RTN4: variants seen among roughly 807,000 people sequenced by gnomAD.
RTN4 encodes reticulon-4.
RTN4 carries 32 observed loss-of-function variants against 90.4 expected under a neutral mutation model. The observed-to-expected ratio is 0.35, with a 90% CI of 0.27 to 0.48. RTN4 has a LOEUF of 0.48. Ranked by LOEUF, RTN4 falls within the 20% of genes least tolerant of loss-of-function variation. The pLI, the probability that RTN4 is intolerant of heterozygous loss-of-function variation, is 0.99. For synonymous variants in RTN4, 629 were observed against 552.5 expected (o/e 1.14, Z -1.94); for missense variants, 1,706 against 1,430.2 (o/e 1.19, Z -3.11).
chr2:54,981,827 G>C (rs1678155581), intron 5 of RTN4, among the ~76,000 whole-genome samples: 1 of 50,370 alleles, frequency 2.0e-5, no homozygotes, highest in South Asian at 4.8e-4. Flanking sequence ...ATAAGTGCTA[G>C]ACTGTAAAGC....
chr2:55,111,723 G>A (rs1019774661), intron 1 of RTN4, among the ~76,000 whole-genome samples: 14 of 152,176 alleles, frequency 9.2e-5, no homozygotes, highest in Non-Finnish European at 5.9e-5. Flanking sequence ...AACTGTAGGG[G>A]CCATGTACAG....
rs200011211 is a variant in RTN4, at chr2:55,025,854, T to G, written c.2245A>C (p.Ser749Arg). 9 of 1,613,694 alleles carry G rather than the reference T, an allele frequency of 5.6e-6. No homozygotes were observed. Among genetic ancestry groups the G allele is most frequent in the Non-Finnish European group, 7.6e-6 (9 of 1,179,866 alleles). Reference sequence around the variant, plus strand: ...GGAACGTCAGGTATTGAATCATCACTAAATAAGTCAACTGGTTCAGAATCA... The same window carrying G: ...GGAACGTCAGGTATTGAATCATCACGAAATAAGTCAACTGGTTCAGAATCA... ...SPDSEPVDLF[S>R]DDSIPDVPQK... Residue 749 changes from serine (S) to arginine (R), a missense_variant, in exon 3 of 9, where the codon AGT becomes CGT. Ser to Arg is a moderately radical substitution (Grantham distance 110). Coordinates refer to ENST00000337526, the MANE Select transcript of RTN4 (RefSeq NM_020532.5).
intron 2 of RTN4, among the ~76,000 whole-genome samples, chr2:55,067,908 G>C (rs1040091634): frequency 6.6e-6 from 1 of 152,178 alleles, no homozygotes. Flanking sequence ...ATTTTTATGA[G>C]AAATAGCTAT....
the RTN4 span, among the ~76,000 whole-genome samples, chr2:55,122,837 AAAT>A: frequency 6.6e-6 from 1 of 152,244 alleles, no homozygotes; most frequent in Non-Finnish European, 1.5e-5. Flanking sequence ...CCATCTGCAC[AAAT>A]AATAACTCTC....
intron 3 of RTN4, among the ~76,000 whole-genome samples, chr2:54,988,570 T>C (rs1289629795): frequency 5.3e-5 from 8 of 152,172 alleles, no homozygotes; most frequent in Admixed American, 5.2e-4. Flanking sequence ...ATCTGTCTTT[T>C]AGAAACAAAA....
At chr2:55,083,956 G>T (rs2972064) in intron 1 of RTN4, among the ~76,000 whole-genome samples, 46 of 152,232 alleles carry the variant, frequency 3.0e-4, no homozygotes, top group Non-Finnish European at 6.2e-4. Context: ...GGAGTTTCTT[G>T]GGTTAAAGGA....
At chr2:54,976,974 G>A (rs928615377) in intron 5 of RTN4, among the ~76,000 whole-genome samples, 1 of 152,224 alleles carries the variant, frequency 6.6e-6, no homozygotes, top group Admixed American at 6.5e-5. Flanking sequence ...CTGAAAAGGG[G>A]CAAGGGCCAC....
upstream of RTN4, among the ~76,000 whole-genome samples, chr2:55,052,193 C>G (rs375490722): frequency 6.6e-6 from 1 of 152,120 alleles, no homozygotes; most frequent in East Asian, 1.9e-4. Flanking sequence ...AAGAGTGAAC[C>G]CTAATGTAGA....
At chr2:55,111,270 C>T (rs531434139) in intron 1 of RTN4, among the ~76,000 whole-genome samples, 2 of 152,042 alleles carry the variant, frequency 1.3e-5, no homozygotes, top group South Asian at 2.1e-4. Context: ...CTCACTCTTC[C>T]GAGATTTTAA....
intron 1 of RTN4, among the ~76,000 whole-genome samples, chr2:55,111,648 G>T (rs574342081): frequency 6.6e-6 from 1 of 152,030 alleles, no homozygotes; most frequent in African/African-American, 2.4e-5. Flanking sequence ...GAGGGTGTTT[G>T]GGGCTGTTTA....
At chr2:55,111,988 G>A (rs2105068563) in intron 1 of RTN4, among the ~76,000 whole-genome samples, 1 of 152,264 alleles carries the variant, frequency 6.6e-6, no homozygotes, top group South Asian at 2.1e-4. Flanking sequence ...ATTGCAATGA[G>A]TCTCTGGGGA....
upstream of RTN4, among the ~76,000 whole-genome samples, chr2:55,052,624 A>G (rs1262126804): frequency 1.3e-5 from 2 of 152,222 alleles, no homozygotes; most frequent in Non-Finnish European, 2.9e-5. Flanking sequence ...TTAATGCCAA[A>G]TGAATTTAAA....
intron 1 of RTN4, among the ~76,000 whole-genome samples, chr2:55,028,679 TA>T (rs2104880146): frequency 6.6e-6 from 1 of 152,330 alleles, no homozygotes; most frequent in Non-Finnish European, 1.5e-5. Flanking sequence ...GAAACACTTT[TA>T]AAGAATTATG....
At chr2:55,096,869 T>C (rs1416954396) in intron 1 of RTN4, among the ~76,000 whole-genome samples, 5 of 151,850 alleles carry the variant, frequency 3.3e-5, no homozygotes, top group East Asian at 1.9e-4. Context: ...AAGAAAGGCT[T>C]CCCTACACTC....
intron 1 of RTN4, among the ~76,000 whole-genome samples, chr2:55,107,955 G>A (rs1667973169): frequency 6.6e-6 from 1 of 151,834 alleles, no homozygotes; most frequent in African/African-American, 2.4e-5. Flanking sequence ...TGTTAAATTC[G>A]GTCCTTTTTT....
At chr2:55,113,207 G>C (rs1405993802), upstream of RTN4, among the ~76,000 whole-genome samples, 1 of 152,346 alleles carries the variant, frequency 6.6e-6, no homozygotes, top group East Asian at 1.9e-4. Context: ...TCTTCTGCGA[G>C]GAGGGTAAGC....
intron 2 of RTN4, among the ~76,000 whole-genome samples, chr2:55,067,367 A>G (rs1045415956): frequency 1.3e-5 from 2 of 152,100 alleles, no homozygotes; most frequent in Non-Finnish European, 2.9e-5. Flanking sequence ...AGGGAATAGC[A>G]CATGTTTGCT....
At chr2:55,045,784 CA>C (rs989345830) in intron 1 of RTN4, among the ~76,000 whole-genome samples, 1 of 151,780 alleles carries the variant, frequency 6.6e-6, no homozygotes, top group African/African-American at 2.4e-5. Flanking sequence ...TTTCAGAATC[CA>C]GATCTACATA....
the RTN4 span, among the ~76,000 whole-genome samples, chr2:55,126,224 T>C: frequency 6.6e-6 from 1 of 151,618 alleles, no homozygotes; most frequent in South Asian, 2.1e-4. Context: ...ACAAAATTAG[T>C]TGGGTGTGGT....
Sources: allele counts gnomAD v4.1 joint callset (sites outside exome capture counted in the v4.1 genomes callset), GRCh38; gene constraint gnomAD v4.1.1; transcripts MANE v1.5; gene names NCBI Gene and HGNC (gene_info 2026-07-23, HGNC 2026-07-21).